BEND6: variants seen among roughly 807,000 people sequenced by gnomAD.
BEND6 encodes the protein BEN domain-containing protein 6.
A neutral mutation model predicts 31.8 loss-of-function variants in BEND6; 24 were observed. The observed-to-expected ratio is 0.75, with a 90% CI of 0.55 to 1.06. The LOEUF (loss-of-function observed/expected upper bound fraction) is 1.06. Ranked by LOEUF, BEND6 falls within the 50% of genes least tolerant of loss-of-function variation. The pLI, the probability that BEND6 is intolerant of heterozygous loss-of-function variation, is 0.00. For missense variants in BEND6, 294 were observed against 327.4 expected, an observed-to-expected ratio of 0.90 and a Z score of 0.79; for synonymous variants, 109 against 114.6, an observed-to-expected ratio of 0.95 and a Z score of 0.31.
rs1406446454 is a variant in BEND6, at chr6:57,010,729, ATATT to A, written c.299-4401_299-4398del. ...AGGAAAACAGCCTACTTATGAAAAG[ATATT>A]TAAATTCTACAAAATTGTTGGTGAA... On this transcript the variant is annotated intron_variant, in intron 3 of 6. Transcript: ENST00000370746. The A allele has an allele frequency of 4.5e-6, 4 of 894,330 alleles. No individual in the cohort carries two copies. In the African/African-American group the frequency reaches 7.2e-5, roughly 16 times the overall value. 55.4% of individuals were successfully genotyped at this position (894,330 alleles called of 1,614,324 possible).
At chr6:56,968,312 C>CTTTTTTTTTTTTTTTTTTTTTTTT (rs779756084) in intron 1 of BEND6, among the ~76,000 whole-genome samples, 16 of 65,982 alleles carry the variant, frequency 2.4e-4, no homozygotes, top group East Asian at 1.6e-3. Flanking sequence ...TCTTTCTTTT[C>CTTTTTTTTTTTTTTTTTTTTTTTT]TTTTTTTTTT....
At chr6:56,956,697 G>A (rs753906603) in intron 1 of BEND6, among the ~76,000 whole-genome samples, 26 of 152,324 alleles carry the variant, frequency 1.7e-4, no homozygotes, top group Non-Finnish European at 3.2e-4. Flanking sequence ...TCCAGGATAG[G>A]CTTCATGGGT....
At chr6:56,972,086 C>CTGTCTT (rs1825708870) in intron 1 of BEND6, among the ~76,000 whole-genome samples, 10 of 62,530 alleles carry the variant, frequency 1.6e-4, no homozygotes, top group Non-Finnish European at 2.0e-4. Flanking sequence ...ACTTTACTTT[C>CTGTCTT]TTTTTTTTTT....
At chr6:56,971,752 C>T (rs9464413) in intron 1 of BEND6, among the ~76,000 whole-genome samples, 10,991 of 152,058 alleles carry the variant, frequency 0.072, 525 homozygotes, top group East Asian at 0.18. Context: ...TGATATTGGC[C>T]GGCCATTTGT....
intron 3 of BEND6, among the ~76,000 whole-genome samples, chr6:57,011,715 C>CAAAAAAAAAAAAAAAAAAAAAAAAAAA (rs770049459): frequency 1.2e-4 from 4 of 34,068 alleles, no homozygotes; most frequent in Non-Finnish European, 2.3e-4. Context: ...GGCCCTGTCT[C>CAAAAAAAAAAAAAAAAAAAAAAAAAAA]AAAAAAAAAA....
At chr6:57,023,303 CTTGTG>C (rs1827807146) in intron 6 of BEND6, among the ~76,000 whole-genome samples, 1 of 152,160 alleles carries the variant, frequency 6.6e-6, no homozygotes, top group African/African-American at 2.4e-5. Flanking sequence ...CTTGGGAGCT[CTTGTG>C]TTGTGTGCAT....
intron 3 of BEND6, chr6:57,011,091 G>T (rs964212146): frequency 6.4e-6 from 1 of 157,168 alleles, no homozygotes; most frequent in Non-Finnish European, 1.4e-5. Context: ...ATTGATAGAA[G>T]AAATTCTAAT....
In BEND6 at chr6:57,004,471, G is replaced by A. The variant is rs1189246144; in HGVS notation, c.299-10662G>A. The A allele has an allele frequency of 6.2e-5, 39 of 624,180 alleles. 1 individual carries two copies. Among genetic ancestry groups the A allele is most frequent in the Middle Eastern group, 8.7e-4 (2 of 2,298 alleles). The allele number at this position is 624,180 out of a possible 1,614,324, so 38.7% of individuals were successfully genotyped here. On this transcript the variant is annotated intron_variant, in intron 3 of 6. Transcript: ENST00000370746. ...GCCAGCCCTCCGCTGCCTCCTCACC[G>A]CGCCCTGGGACCGTCCCAAGGCCTC...
intron 1 of BEND6, among the ~76,000 whole-genome samples, chr6:56,959,112 G>C (rs1408387843): frequency 6.6e-6 from 1 of 152,184 alleles, no homozygotes; most frequent in African/African-American, 2.4e-5. Flanking sequence ...TTAAAGAGAA[G>C]GGAGAAGAGG....
At chr6:57,018,887 T>G (rs1827652761) in intron 6 of BEND6, among the ~76,000 whole-genome samples, 1 of 152,186 alleles carries the variant, frequency 6.6e-6, no homozygotes, top group Non-Finnish European at 1.5e-5. Flanking sequence ...CAGAATCCTG[T>G]TAACTTGGTG....
intron 3 of BEND6, among the ~76,000 whole-genome samples, chr6:56,993,923 C>T (rs1826604242): frequency 6.6e-6 from 1 of 152,142 alleles, no homozygotes; most frequent in Non-Finnish European, 1.5e-5. Flanking sequence ...TGGTTTTGAA[C>T]TCCTGGCCTC....
At chr6:56,980,327 T>A (rs755277678) in intron 1 of BEND6, among the ~76,000 whole-genome samples, 1 of 152,202 alleles carries the variant, frequency 6.6e-6, no homozygotes, top group Non-Finnish European at 1.5e-5. Flanking sequence ...TAGTTGGAAC[T>A]ACAAGCGTGA....
intron 2 of BEND6, among the ~76,000 whole-genome samples, chr6:56,982,465 T>G (rs978906154): frequency 2.0e-5 from 3 of 152,082 alleles, no homozygotes; most frequent in Non-Finnish European, 4.4e-5. Flanking sequence ...CAGGGTGCCT[T>G]TCCTATTTTT....
chr6:57,013,128 A>G (rs1330462856), intron 3 of BEND6, among the ~76,000 whole-genome samples: 1 of 152,190 alleles, frequency 6.6e-6, no homozygotes, highest in Non-Finnish European at 1.5e-5. Flanking sequence ...CAAGTAAACC[A>G]AACTGCAAAG....
At position 56,992,474 on chromosome 6, in the gene BEND6, A is replaced by C. The variant is rs1234049276; in HGVS notation, c.217A>C (p.Lys73Gln). 9 of 1,614,110 alleles carry C rather than the reference A, an allele frequency of 5.6e-6. No homozygotes were observed. The highest frequency in any genetic ancestry group is 6.8e-6 in the Non-Finnish European group (8 of 1,180,032). Residue 73 changes from lysine to glutamine, a missense_variant, in exon 3 of 7, where the codon AAA becomes CAA. Physicochemically the swap from Lys to Gln is moderately conservative, Grantham distance 53 (BLOSUM62 1). Coordinates refer to ENST00000370746, the MANE Select transcript of BEND6 (RefSeq NM_152731.3). Reference protein sequence around the residue: ...AELSKEELCAKIKSLKEKLTN... With the variant: ...AELSKEELCAQIKSLKEKLTN... ...ATTGTCAAAGGAAGAATTGTGCGCC[A>C]AAATAAAAAGCCTGAAAGAAAAACT...
chr6:56,972,397 C>T (rs1348769045), intron 1 of BEND6, among the ~76,000 whole-genome samples: 5 of 151,924 alleles, frequency 3.3e-5, no homozygotes, highest in African/African-American at 4.8e-5. Context: ...GCCCAGCCAC[C>T]GCATGTTTCC....
chr6:56,967,619 T>G (rs1424429668), intron 1 of BEND6, among the ~76,000 whole-genome samples: 1 of 152,104 alleles, frequency 6.6e-6, no homozygotes, highest in Non-Finnish European at 1.5e-5. Context: ...AAGGGTCTCC[T>G]TCTCTAGCAT....
At chr6:57,008,524 CACA>C (rs1330410730) in intron 3 of BEND6, 2 of 319,396 alleles carry the variant, frequency 6.3e-6, no homozygotes, top group East Asian at 1.1e-4. Flanking sequence ...ATTGGCCTGC[CACA>C]ACTTCACTGC....
intron 1 of BEND6, among the ~76,000 whole-genome samples, chr6:56,980,677 T>C (rs2127851726): frequency 6.6e-6 from 1 of 152,288 alleles, no homozygotes; most frequent in Non-Finnish European, 1.5e-5. Flanking sequence ...CCAAATATTA[T>C]TTTATGCTTA....
Sources: allele counts gnomAD v4.1 joint callset (sites outside exome capture counted in the v4.1 genomes callset), GRCh38; gene constraint gnomAD v4.1.1; transcripts MANE v1.5; gene names NCBI Gene and HGNC (gene_info 2026-07-23, HGNC 2026-07-21).